Variants in CCDC175 observed in about 807,000 individuals in gnomAD.
The protein encoded by CCDC175 is coiled-coil domain containing 175.
CCDC175 carries 100 observed loss-of-function variants against 114.6 expected under a neutral mutation model. The observed-to-expected ratio is 0.87, with a 90% CI of 0.74 to 1.03. CCDC175 has a LOEUF of 1.03. Ranked by LOEUF, CCDC175 falls within the 50% of genes least tolerant of loss-of-function variation. CCDC175 has a pLI of 0.00. For synonymous variants in CCDC175, 306 were observed against 308.7 expected (o/e 0.99, Z 0.09); for missense variants, 880 against 917.8 (o/e 0.96, Z 0.53).
At chr14:59,555,020 A>T (rs9796477) in intron 7 of CCDC175, among the ~76,000 whole-genome samples, 2 of 151,940 alleles carry the variant, frequency 1.3e-5, no homozygotes, top group Non-Finnish European at 2.9e-5. Context: ...GATTCACAGC[A>T]GAATTCTACC....
chr14:59,524,675 G>A (rs1158963771), intron 16 of CCDC175, among the ~76,000 whole-genome samples: 1 of 152,132 alleles, frequency 6.6e-6, no homozygotes, highest in Non-Finnish European at 1.5e-5. Context: ...TAAAGTTGGA[G>A]ATACACATCC....
At chr14:59,533,139 G>T (rs1255042115) in intron 13 of CCDC175, among the ~76,000 whole-genome samples, 1 of 152,150 alleles carries the variant, frequency 6.6e-6, no homozygotes, top group Non-Finnish European at 1.5e-5. Context: ...CACAGGTGGG[G>T]TTATAGTCTC....
At chr14:59,517,627 C>A (rs1310426639) in intron 17 of CCDC175, among the ~76,000 whole-genome samples, 1 of 152,122 alleles carries the variant, frequency 6.6e-6, no homozygotes, top group African/African-American at 2.4e-5. Context: ...TGTGAAGGAC[C>A]TCTTCAAGGA....
At chr14:59,537,932 C>T (rs1352937129) in intron 13 of CCDC175, 91 bp downstream of exon 13, 4 of 861,700 alleles carry the variant, frequency 4.6e-6, no homozygotes, top group South Asian at 4.6e-5. Context: ...ATTTATTTTA[C>T]ATTTAACTGA....
intron 6 of CCDC175, 104 bp from the exon 7 acceptor site, chr14:59,561,332 C>T (rs1258632662): frequency 7.3e-6 from 4 of 551,292 alleles, no homozygotes; most frequent in African/African-American, 1.9e-5. Flanking sequence ...TCAACTTTTA[C>T]ATTAGGAGTG....
chr14:59,523,645 GA>G (rs917291961), intron 16 of CCDC175, among the ~76,000 whole-genome samples: 3 of 152,012 alleles, frequency 2.0e-5, no homozygotes, highest in African/African-American at 7.2e-5. Flanking sequence ...TGGATGGCTG[GA>G]AAAAAAGGAT....
chr14:59,526,878 T>C (rs756860324), intron 15 of CCDC175, among the ~76,000 whole-genome samples: 4 of 152,206 alleles, frequency 2.6e-5, no homozygotes, highest in Non-Finnish European at 5.9e-5. Context: ...TAAGTATACA[T>C]ATATACACAT....
rs1439519436 is a variant in CCDC175, at chr14:59,518,148, T to A, written c.2098+3426A>T. Among the ~76,000 whole-genome samples the A allele has an allele frequency of 3.9e-5, 6 of 152,320 alleles. No individual in the cohort carries two copies. In the East Asian group the frequency reaches 5.8e-4, roughly 15 times the overall value. On this transcript the variant is annotated intron_variant, in intron 17 of 19. Coordinates refer to ENST00000537690, the MANE Select transcript of CCDC175 (RefSeq NM_001164399.2). ...GAAAGCTGAAACTGGATCCCTTCCTTACACCTTATACAAAAATTAATTCAA... is the reference window on the plus strand; with the variant it reads ...GAAAGCTGAAACTGGATCCCTTCCTAACACCTTATACAAAAATTAATTCAA...
chr14:59,540,439 AC>A (rs1894701374), intron 11 of CCDC175, among the ~76,000 whole-genome samples: 1 of 151,308 alleles, frequency 6.6e-6, no homozygotes, highest in African/African-American at 2.4e-5. Flanking sequence ...TAGCAATTTT[AC>A]TCTTTGGTGA....
intron 19 of CCDC175, among the ~76,000 whole-genome samples, chr14:59,506,597 G>A (rs1892414934): frequency 6.6e-6 from 1 of 152,046 alleles, no homozygotes; most frequent in African/African-American, 2.4e-5. Context: ...TGAGCACAGG[G>A]GTTTTTTAAA....
intron 10 of CCDC175, 106 bp downstream of exon 10, chr14:59,543,238 C>T (rs1894895938): frequency 2.1e-6 from 1 of 471,520 alleles, no homozygotes; most frequent in Non-Finnish European, 3.7e-6. Context: ...TCTAAACTTC[C>T]TTTTCTGTAG....
chr14:59,511,547 G>GCAAAA (rs1566591828), intron 18 of CCDC175, among the ~76,000 whole-genome samples: 1 of 2,386 alleles, frequency 4.2e-4, no homozygotes, highest in African/African-American at 8.3e-4. Context: ...GTGATATTTG[G>GCAAAA]TAAAAAAAAA....
intron 7 of CCDC175, among the ~76,000 whole-genome samples, chr14:59,554,245 C>T (rs113861958): frequency 0.041 from 6,184 of 152,288 alleles, 160 homozygotes; most frequent in Non-Finnish European, 0.06. Context: ...TGTAAAAGAA[C>T]AGAAATTATA....
intron 13 of CCDC175, among the ~76,000 whole-genome samples, chr14:59,537,035 C>A (rs1008314060): frequency 1.3e-5 from 2 of 152,192 alleles, no homozygotes; most frequent in African/African-American, 4.8e-5. Context: ...CCTACCTTGG[C>A]CTCCCAAAGT....
chr14:59,538,143 T>G lies in CCDC175; in HGVS notation c.1503A>C (p.Arg501Ser). The G allele has an allele frequency of 1.3e-6, 2 of 1,534,900 alleles. No homozygotes were observed. The highest frequency in any genetic ancestry group is 1.7e-6 in the Non-Finnish European group (2 of 1,145,210). The stretch of plus-strand genomic sequence containing the variant: ...CCACAAATCCACTGATCTCCTGTTG[T>G]CTGAAACTGGTCTAATTAGAGAAAA... ...RIELLNETSF[R>S]QQEISGFVAQ... The change falls in exon 13 of 20, where the codon AGA becomes AGC. Residue 501 changes from arginine to serine, a missense_variant. Arg to Ser is a moderately radical substitution (Grantham distance 110). Coordinates refer to ENST00000537690, the MANE Select transcript of CCDC175 (RefSeq NM_001164399.2).
intron 17 of CCDC175, among the ~76,000 whole-genome samples, chr14:59,517,176 A>T (rs1279324246): frequency 1.3e-5 from 2 of 152,204 alleles, no homozygotes; most frequent in East Asian, 3.8e-4. Context: ...ATCTCAAAAT[A>T]ATAAGAGCTA....
intron 7 of CCDC175, among the ~76,000 whole-genome samples, chr14:59,559,422 A>G (rs1425897454): frequency 6.6e-6 from 1 of 152,136 alleles, no homozygotes; most frequent in Non-Finnish European, 1.5e-5. Flanking sequence ...ATTTAAACTT[A>G]TGGTTGAGTG....
Position 59,543,406 on chromosome 14 carries a change from T to C in CCDC175, c.1221A>G (p.Ser407=), listed in dbSNP as rs758659128. 1 of 1,480,792 alleles carries C rather than the reference T, an allele frequency of 6.8e-7. No homozygotes were observed. The highest frequency in any genetic ancestry group is 9.0e-7 in the Non-Finnish European group (1 of 1,111,326). 91.7% of individuals were successfully genotyped at this position (1,480,792 alleles called of 1,614,324 possible). The change falls in exon 10 of 20, where the codon TCA becomes TCG. Residue 407 remains serine (S), a synonymous_variant. Transcript: ENST00000537690. ...TATTTTTGATGTCTACTCTCTTTTG[T>C]GACAGAAAGTATTCTTTCTGAGAAA... ...TFISQKEYFL[S]QKRVDIKNME...
intron 17 of CCDC175, among the ~76,000 whole-genome samples, chr14:59,515,959 C>T (rs1403801065): frequency 1.3e-5 from 2 of 152,186 alleles, no homozygotes; most frequent in East Asian, 1.9e-4. Context: ...GAAATTATAA[C>T]AAACTGTCTC....
Sources: gnomAD v4.1 joint callset for allele counts (sites outside exome capture counted in the v4.1 genomes callset) on GRCh38, gnomAD v4.1.1 for gene constraint, MANE v1.5 for transcripts, NCBI Gene and HGNC (gene_info 2026-07-23, HGNC 2026-07-21) for gene names.